Variants in TACC3 observed in about 807,000 individuals in gnomAD.
TACC3 encodes the protein transforming acidic coiled-coil-containing protein 3.
Under a neutral mutation model 86.0 loss-of-function variants are expected in TACC3, and 52 were observed. The observed-to-expected ratio is 0.60, with a 90% CI of 0.48 to 0.76. The LOEUF is 0.76. TACC3 is among the 30% of genes least tolerant of loss of function. The pLI, the probability that TACC3 is intolerant of heterozygous loss-of-function variation, is 0.00. For synonymous variants in TACC3, 512 were observed against 430.0 expected (o/e 1.19, Z -2.36); for missense variants, 1,120 against 1,070.4 (o/e 1.05, Z -0.65).
At chr4:1,743,778 G>A (rs1181909888) in intron 13 of TACC3, among the ~76,000 whole-genome samples, 1 of 152,186 alleles carries the variant, frequency 6.6e-6, no homozygotes, top group Non-Finnish European at 1.5e-5. Flanking sequence ...CTCCCGGACA[G>A]ACGCTGTTGG....
At chr4:1,724,374 C>T (rs1717580815) in intron 3 of TACC3, among the ~76,000 whole-genome samples, 1 of 143,648 alleles carries the variant, frequency 7.0e-6, no homozygotes, top group Non-Finnish European at 1.5e-5. Context: ...TAACTTCATA[C>T]TTCACTTTTT....
chr4:1,723,700 A>T, intron 2 of TACC3, 28 bp from the exon 3 acceptor site: 1 of 1,613,376 alleles, frequency 6.2e-7, no homozygotes, highest in Non-Finnish European at 8.5e-7. Context: ...ACTAATGAAT[A>T]GGTGCTCTCC....
Position 1,744,795 on chromosome 4 carries a change from T to A in TACC3, c.2414T>A (p.Met805Lys). The A allele has an allele frequency of 6.2e-7, 1 of 1,612,906 alleles. No individual in the cohort carries two copies. ...CAGGCCAGCCTGAGGAAGGAGCAGA[T>A]GCGCATCCAGTCGCTGGAGAAGACA... ...ALQASLRKEQ[M>K]RIQSLEKTVE... The change falls in exon 15 of 16, where the codon ATG becomes AAG. Residue 805 changes from methionine to lysine, a missense_variant. By Grantham distance (95) the Met-to-Lys change is moderately conservative. Transcript: ENST00000313288.
rs766351925 is a variant in TACC3 at position 1,735,558 on chromosome 4, GAC to G, written c.1645-170_1645-169del. Reference sequence around the variant, plus strand: ...GGTGCCTAGCCCAGGATGAAACTCTGACACGCTGTGCTGCTGGGAATGGTGGT... The same window carrying G: ...GGTGCCTAGCCCAGGATGAAACTCTGACGCTGTGCTGCTGGGAATGGTGGT... On this transcript the variant is annotated intron_variant, in intron 7 of 15. Transcript: ENST00000313288. This position sits in a 1 kb window ranked among gnomAD's most constrained non-coding sequence, Gnocchi z 4.2. 3.9e-5 allele frequency among the ~76,000 whole-genome samples: 6 copies of G among 152,106 alleles called. No homozygotes were observed. Among genetic ancestry groups the G allele is most frequent in the Non-Finnish European group, 7.4e-5 (5 of 67,990 alleles).
At position 1,725,034 on chromosome 4, in the gene TACC3, C is replaced by T. The variant is rs145162311; in HGVS notation, c.305+1164C>T. ...ACAACCTCCGCCTCCCAGGTTCAAA[C>T]GATTCTCCTGCCTCAGCCTCCGAGT... On this transcript the variant is annotated intron_variant, in intron 3 of 15. Coordinates refer to ENST00000313288, the MANE Select transcript of TACC3 (RefSeq NM_006342.3). 4.5e-3 allele frequency among the ~76,000 whole-genome samples: 671 copies of T among 148,350 alleles called. 4 individuals carry two copies. The highest frequency in any genetic ancestry group is 0.016 in the African/African-American group (643 of 40,340).
At chr4:1,724,926 A>AGT in intron 3 of TACC3, among the ~76,000 whole-genome samples, 1 of 41,064 alleles carries the variant, frequency 2.4e-5, no homozygotes, top group Non-Finnish European at 4.9e-5. Context: ...ATGCCCGGCC[A>AGT]ATTTTTTTTT....
At chr4:1,723,997 C>G (rs1717556008) in intron 3 of TACC3, 127 bp downstream of exon 3, 2 of 1,091,512 alleles carry the variant, frequency 1.8e-6, no homozygotes, top group African/African-American at 3.1e-5. Flanking sequence ...GAGATGGAGT[C>G]TCGCTCTGTT....
At position 1,733,216 on chromosome 4, in the gene TACC3, T is replaced by C. The variant is rs576288779; in HGVS notation, c.1591+1915T>C. On this transcript the variant is annotated intron_variant, in intron 6 of 15. Transcript: ENST00000313288. ...TTTTATGTGCTCGTTGGATATCTTCTTTGGGAAAGTGTCTGTCGAGATCCC... is the reference window on the plus strand; with the variant it reads ...TTTTATGTGCTCGTTGGATATCTTCCTTGGGAAAGTGTCTGTCGAGATCCC... Among the ~76,000 whole-genome samples the C allele has an allele frequency of 1.3e-3, 202 of 152,328 alleles. 2 individuals are homozygous for C. Among genetic ancestry groups the C allele is most frequent in the African/African-American group, 4.5e-3 (189 of 41,582 alleles).
chr4:1,729,881 G>T, intron 4 of TACC3, among the ~76,000 whole-genome samples: 1 of 152,072 alleles, frequency 6.6e-6, no homozygotes, highest in East Asian at 1.9e-4. Flanking sequence ...TAGGTAACGG[G>T]TGCCTTCCCA....
intron 1 of TACC3, 142 bp from the exon 2 acceptor site, chr4:1,723,279 C>T (rs928919942): frequency 6.4e-6 from 5 of 778,686 alleles, no homozygotes; most frequent in African/African-American, 3.5e-5. Context: ...CCAAGAGACA[C>T]GTGTGGGAGG....
intron 6 of TACC3, among the ~76,000 whole-genome samples, chr4:1,733,441 C>T (rs1577215775): frequency 6.6e-6 from 1 of 152,066 alleles, no homozygotes; most frequent in East Asian, 1.9e-4. Flanking sequence ...TTGTTTGAGC[C>T]CTGTAGTTTG....
In TACC3 at chr4:1,737,494, C is replaced by CA. The variant is rs908060320; in HGVS notation, c.1837-104_1837-103insA. ...CGCACTGTCTCGGGTCCCTCATGCACTGTCTGAGGCTCTTGGCCTGTGTGG... is the reference window on the plus strand; with the variant it reads ...CGCACTGTCTCGGGTCCCTCATGCACATGTCTGAGGCTCTTGGCCTGTGTGG... On this transcript the variant is annotated intron_variant, in intron 9 of 15. Transcript: ENST00000313288. The CA allele has an allele frequency of 2.1e-5, 24 of 1,130,170 alleles. No homozygotes were observed. The African/African-American group carries it at 3.0e-4, about 14-fold the overall frequency. The allele number at this position is 1,130,170 out of a possible 1,614,324, so 70.0% of individuals were successfully genotyped here.
rs748292942 is a variant in TACC3 at position 1,723,414 on chromosome 4, T to C, written c.-1-7T>C. 2 of 1,611,802 alleles carry C rather than the reference T, an allele frequency of 1.2e-6. No individual in the cohort carries two copies. Among genetic ancestry groups the C allele is most frequent in the Non-Finnish European group, 1.7e-6 (2 of 1,178,874 alleles). On this transcript the variant is annotated splice_region_variant and splice_polypyrimidine_tract_variant and intron_variant, in intron 1 of 15. Transcript: ENST00000313288. ...CACACTGACACAAACATGTTCTGCT[T>C]TTCCAGAATGAGTCTGCAGGTCTTA... is the stretch of plus-strand genomic sequence containing the variant.
In TACC3 at chr4:1,728,565, G is replaced by A. The variant is rs756507707; in HGVS notation, c.1163G>A (p.Ser388Asn). The change falls in exon 4 of 16, where the codon AGC (serine) becomes AAC (asparagine). Residue 388 changes from serine to asparagine, a missense_variant. By Grantham distance (46) the Ser-to-Asn change is conservative. Transcript: ENST00000313288. Reference protein sequence around the residue: ...PQEVEEDDGRSGAGEDPPMPA... With the variant: ...PQEVEEDDGRNGAGEDPPMPA... ...GAGGTGGAGGAGGACGACGGTAGGA[G>A]CGGAGCAGGAGAGGACCCCCCCATG... 8.1e-6 allele frequency: 13 copies of A among 1,613,890 alleles called. No individual in the cohort carries two copies. Among genetic ancestry groups the A allele is most frequent in the Non-Finnish European group, 1.1e-5 (13 of 1,179,968 alleles).
chr4:1,737,434 G>A, intron 9 of TACC3, 106 bp downstream of exon 9: 1 of 1,260,056 alleles, frequency 7.9e-7, no homozygotes, highest in East Asian at 2.4e-5. Context: ...CTTTGGTTTT[G>A]TTGGGGGCAT....
Position 1,723,806 on chromosome 4 carries a change from C to T in TACC3, c.241C>T (p.Pro81Ser), listed in dbSNP as rs1717545796. 1.2e-6 allele frequency: 2 copies of T among 1,613,662 alleles called. No individual in the cohort carries two copies. Among genetic ancestry groups the T allele is most frequent in the Non-Finnish European group, 1.7e-6 (2 of 1,180,010 alleles). The part of the protein sequence containing the change: ...SPSMASKLEA[P>S]FTQDDTLGLE... ...TAGCATGGCCAGCAAACTTGAGGCT[C>T]CTTTCACTCAGGATGACACCCTTGG... The change falls in exon 3 of 16, where the codon CCT becomes TCT. Residue 81 changes from proline to serine, a missense_variant. Transcript: ENST00000313288.
rs946290775 is a variant in TACC3, at chr4:1,728,319, A to G, written c.917A>G (p.Asn306Ser). Reference protein sequence around the residue: ...TSAPESTAPTNHLVAGRAMTL... With the variant: ...TSAPESTAPTSHLVAGRAMTL... ...GCTCCTGAGAGCACAGCCCCAACCAACCACCTGGTGGCTGGCAGGGCCATG... is the reference window on the plus strand; with the variant it reads ...GCTCCTGAGAGCACAGCCCCAACCAGCCACCTGGTGGCTGGCAGGGCCATG... Residue 306 changes from asparagine (N) to serine (S), a missense_variant, in exon 4 of 16, where the codon AAC (asparagine) becomes AGC (serine). Transcript: ENST00000313288. The G allele has an allele frequency of 4.3e-6, 7 of 1,612,768 alleles. No individual in the cohort carries two copies. In the African/African-American group the frequency reaches 8.0e-5, roughly 18 times the overall value.
At position 1,744,951 on chromosome 4, in the gene TACC3, A is replaced by G. The variant is rs1718776948; in HGVS notation, c.2455A>G (p.Lys819Glu). Reference sequence around the variant, plus strand: ...GCAACTCATCTTCCTCCTCCAGACTAAAGAGAACGAGGAGCTGACCAGGAT... The same window carrying G: ...GCAACTCATCTTCCTCCTCCAGACTGAAGAGAACGAGGAGCTGACCAGGAT... The part of the protein sequence containing the change: ...SLEKTVEQKT[K>E]ENEELTRICD... The change falls in exon 16 of 16, where the codon AAA (lysine) becomes GAA (glutamate). Residue 819 changes from lysine to glutamate, a missense_variant. Coordinates refer to ENST00000313288, the MANE Select transcript of TACC3 (RefSeq NM_006342.3). 2 of 1,612,062 alleles carry G rather than the reference A, an allele frequency of 1.2e-6. No individual in the cohort carries two copies. The highest frequency in any genetic ancestry group is 8.5e-7 in the Non-Finnish European group (1 of 1,179,634).
Position 1,731,190 on chromosome 4 carries a change from G to C in TACC3, c.1480G>C (p.Ala494Pro), listed in dbSNP as rs1415208870. The change falls in exon 6 of 16, where the codon GCC (alanine) becomes CCC (proline). Residue 494 changes from alanine (A) to proline (P), a missense_variant. Transcript: ENST00000313288. Reference protein sequence around the residue: ...AESKERALNSASTSLPTSCPG... With the variant: ...AESKERALNSPSTSLPTSCPG... Reference sequence around the variant, plus strand: ...CCTCCAGGAGAGAGCCTTGAACTCTGCCAGCACCTCGCTTCCCACAAGCTG... The same window carrying C: ...CCTCCAGGAGAGAGCCTTGAACTCTCCCAGCACCTCGCTTCCCACAAGCTG... 47 of 1,613,350 alleles carry C rather than the reference G, an allele frequency of 2.9e-5. No homozygotes were observed. The highest frequency in any genetic ancestry group is 3.7e-5 in the Non-Finnish European group (44 of 1,180,026).
Sources: allele counts gnomAD v4.1 joint callset (sites outside exome capture counted in the v4.1 genomes callset), GRCh38; gene constraint gnomAD v4.1.1; non-coding constraint Gnocchi (gnomAD v3.1); transcripts MANE v1.5; gene names NCBI Gene and HGNC (gene_info 2026-07-23, HGNC 2026-07-21).